The following ANKRD61 variants were observed in gnomAD, a reference collection of about 807,000 sequenced individuals.
The protein encoded by ANKRD61 is ankyrin repeat domain 61, also known as ankyrin repeat domain-containing protein 61.
In ANKRD61, 7 loss-of-function variants were observed where a neutral mutation model predicts 8.4. That is an observed-to-expected ratio of 0.84 (90% CI 0.48 to 1.57). The LOEUF (loss-of-function observed/expected upper bound fraction) is 1.57, where lower values mean the gene tolerates loss of function less well. Ranked by LOEUF, ANKRD61 falls within the 40% of genes most tolerant of loss-of-function variation. The pLI is 0.00. For missense variants in ANKRD61, 516 were observed against 523.4 expected (o/e 0.99, Z 0.14); for synonymous variants, 198 against 208.0 (o/e 0.95, Z 0.41).
In ANKRD61 at chr7:6,033,679, C is replaced by T. The variant is rs964034167; in HGVS notation, c.314+743C>T. 6.6e-5 allele frequency among the ~76,000 whole-genome samples: 10 copies of T among 152,118 alleles called. No individual in the cohort carries two copies. In the South Asian group the frequency reaches 8.3e-4, roughly 13 times the overall value. ...CATTCTCCTGGGTTCACGCCATTCT[C>T]CTGCCTCAGCCTCCCAAGTAGCTGG... is the stretch of plus-strand genomic sequence containing the variant. On this transcript the variant is annotated intron_variant, in intron 2 of 2. Transcript: ENST00000409061. This position sits in a 1 kb window ranked among gnomAD's most constrained non-coding sequence, Gnocchi z 4.4.
rs761683113 is a variant in ANKRD61, at chr7:6,035,896, C to T, written c.767C>T (p.Ala256Val). 7.4e-5 allele frequency: 115 copies of T among 1,546,310 alleles called. No individual in the cohort carries two copies. The highest frequency in any genetic ancestry group is 5.4e-4 in the South Asian group (45 of 83,356). ...AGCAAAGCAGGCCGACTCCTCGGGGCGGGGGTCAGCTGCATCCGTCTGCTA... is the reference window on the plus strand; with the variant it reads ...AGCAAAGCAGGCCGACTCCTCGGGGTGGGGGTCAGCTGCATCCGTCTGCTA... ...ASSKAGRLLG[A>V]GVSCIRLLLT... Residue 256 changes from alanine to valine, a missense_variant, in exon 3 of 3, where the codon GCG (alanine) becomes GTG (valine). Transcript: ENST00000409061. This position sits in a 1 kb window ranked among gnomAD's most constrained non-coding sequence, Gnocchi z 5.5.
Position 6,033,988 on chromosome 7 carries a change from A to T in ANKRD61, c.314+1052A>T, listed in dbSNP as rs1787990621. On this transcript the variant is annotated intron_variant, in intron 2 of 2. Coordinates refer to ENST00000409061, the MANE Select transcript of ANKRD61 (RefSeq NM_001271700.2). This position sits in a 1 kb window ranked among gnomAD's most constrained non-coding sequence, Gnocchi z 4.4. The stretch of plus-strand genomic sequence containing the variant: ...ACCAAATCAATGCCTGACACTTAGC[A>T]CGTGCTCAGTAATACTATCCGAGTG... Among the ~76,000 whole-genome samples, 1 of 151,838 alleles carries T rather than the reference A, an allele frequency of 6.6e-6. No homozygotes were observed. Among genetic ancestry groups the T allele is most frequent in the African/African-American group, 2.4e-5 (1 of 41,306 alleles).
Position 6,036,059 on chromosome 7 carries a change from C to T in ANKRD61, c.930C>T (p.Asn310=), listed in dbSNP as rs768016412. The part of the protein sequence containing the change: ...FEANVNILTR[N]GESPIYMYLQ... ...CAAATGTTAACATTTTAACAAGAAA[C>T]GGGGAATCTCCAATTTATATGTACC... The change falls in exon 3 of 3, where the codon AAC becomes AAT. Residue 310 remains asparagine (N), a synonymous_variant. Coordinates refer to ENST00000409061, the MANE Select transcript of ANKRD61 (RefSeq NM_001271700.2). The surrounding 1 kb of genome is among the most constrained non-coding windows in gnomAD (Gnocchi z 4.6). 123 of 1,550,812 alleles carry T rather than the reference C, an allele frequency of 7.9e-5. No homozygotes were observed. The highest frequency in any genetic ancestry group is 3.3e-4 in the Middle Eastern group (2 of 6,014).
intron 1 of ANKRD61, 124 bp downstream of exon 1, chr7:6,031,715 C>A: frequency 1.1e-6 from 1 of 900,628 alleles, no homozygotes; most frequent in Non-Finnish European, 1.7e-6. Context: ...GACTCCAGCT[C>A]ACTCCACACA....
At position 6,031,411 on chromosome 7, in the gene ANKRD61, G is replaced by A. The variant is rs1787907915; in HGVS notation, c.36G>A (p.Leu12=). ...TAACCAGGAAAGGAAGCAGAGACCT[G>A]GTGGTTGACAGTGCCAAGTCCCTGG... The part of the protein sequence containing the change: ...GNITRKGSRD[L]VVDSAKSLED... Residue 12 remains leucine (L), a synonymous_variant, in exon 1 of 3, where the codon CTG becomes CTA. Coordinates refer to ENST00000409061, the MANE Select transcript of ANKRD61 (RefSeq NM_001271700.2). 1.9e-6 allele frequency: 3 copies of A among 1,550,660 alleles called. No individual in the cohort carries two copies. Among genetic ancestry groups the A allele is most frequent in the Non-Finnish European group, 2.6e-6 (3 of 1,147,046 alleles).
Position 6,032,711 on chromosome 7 carries a change from C to T in ANKRD61, c.217-128C>T, listed in dbSNP as rs1363268101. ...TAGTAGAAAGGAAACTTTCAATGCA[C>T]ATACCAGAAAAAGAGTGAGCCAATG... On this transcript the variant is annotated intron_variant, in intron 1 of 2. Coordinates refer to ENST00000409061, the MANE Select transcript of ANKRD61 (RefSeq NM_001271700.2). The surrounding 1 kb of genome is among the most constrained non-coding windows in gnomAD (Gnocchi z 4.3). The T allele has an allele frequency of 1.4e-5, 9 of 656,612 alleles. No homozygotes were observed. The East Asian group carries it at 2.4e-4, about 18-fold the overall frequency. The allele number at this position is 656,612 out of a possible 1,614,324, so 40.7% of individuals were successfully genotyped here. A position where few individuals can be genotyped will look rare whatever the true frequency, so the allele number is the denominator to read the frequency against.
Position 6,033,733 on chromosome 7 carries a change from C to A in ANKRD61, c.314+797C>A, listed in dbSNP as rs894872478. Among the ~76,000 whole-genome samples the A allele has an allele frequency of 2.6e-5, 4 of 151,932 alleles. No homozygotes were observed. Among genetic ancestry groups the A allele is most frequent in the African/African-American group, 9.7e-5 (4 of 41,390 alleles). On this transcript the variant is annotated intron_variant, in intron 2 of 2. Transcript: ENST00000409061. The surrounding 1 kb of genome is among the most constrained non-coding windows in gnomAD (Gnocchi z 4.4). ...TACAGGCGCCTGCCACCACGCCTGGCTAATTTTTTGTATTTTTAGTAGAGA... is the reference window on the plus strand; with the variant it reads ...TACAGGCGCCTGCCACCACGCCTGGATAATTTTTTGTATTTTTAGTAGAGA...
At position 6,036,460 on chromosome 7, in the gene ANKRD61, A is replaced by T; in HGVS notation, c.*74A>T. ...TGCATTTTCTGGCTAGACATGTCCC[A>T]GAAAATGCTTCACCTATCACCTGTG... On this transcript the variant is annotated 3_prime_UTR_variant, in exon 3 of 3. Coordinates refer to ENST00000409061, the MANE Select transcript of ANKRD61 (RefSeq NM_001271700.2). This position sits in a 1 kb window ranked among gnomAD's most constrained non-coding sequence, Gnocchi z 4.6. 1 of 1,108,060 alleles carries T rather than the reference A, an allele frequency of 9.0e-7. No homozygotes were observed. The highest frequency in any genetic ancestry group is 1.2e-6 in the Non-Finnish European group (1 of 813,518). 68.6% of individuals were successfully genotyped at this position (1,108,060 alleles called of 1,614,324 possible).
chr7:6,034,017 G>A (rs1562744947), intron 2 of ANKRD61, among the ~76,000 whole-genome samples: 1 of 151,190 alleles, frequency 6.6e-6, no homozygotes, highest in Non-Finnish European at 1.5e-5. Flanking sequence ...CCGAGTGAAT[G>A]AAAGAATTAA....
rs1788093203 is a variant in ANKRD61 at position 6,036,335 on chromosome 7, G to A, written c.1206G>A (p.Val402=). ...YKQHLKQFLP[V]TIWNSVYCCY... Reference sequence around the variant, plus strand: ...AGCACTTGAAGCAATTCCTCCCAGTGACAATATGGAATTCTGTCTACTGCT... The same window carrying A: ...AGCACTTGAAGCAATTCCTCCCAGTAACAATATGGAATTCTGTCTACTGCT... The change falls in exon 3 of 3, where the codon GTG becomes GTA. Residue 402 remains valine, a synonymous_variant. Transcript: ENST00000409061. This position sits in a 1 kb window ranked among gnomAD's most constrained non-coding sequence, Gnocchi z 4.6. 6.5e-7 allele frequency: 1 copy of A among 1,536,648 alleles called. No individual in the cohort carries two copies. Among genetic ancestry groups the A allele is most frequent in the Non-Finnish European group, 8.8e-7 (1 of 1,142,256 alleles).
Position 6,036,100 on chromosome 7 carries a change from A to G in ANKRD61, c.971A>G (p.Asn324Ser), listed in dbSNP as rs754729368. ...TATATGTACCTTCAGCGCAGTTGCA[A>G]TGTAAGAGATACGGCACTTCTGGCC... Reference protein sequence around the residue: ...PIYMYLQRSCNVRDTALLARL... With the variant: ...PIYMYLQRSCSVRDTALLARL... The change falls in exon 3 of 3, where the codon AAT becomes AGT. Residue 324 changes from asparagine (N) to serine (S), a missense_variant. Coordinates refer to ENST00000409061, the MANE Select transcript of ANKRD61 (RefSeq NM_001271700.2). The surrounding 1 kb of genome is among the most constrained non-coding windows in gnomAD (Gnocchi z 4.6). 8 of 1,550,932 alleles carry G rather than the reference A, an allele frequency of 5.2e-6. No individual in the cohort carries two copies. The South Asian group carries it at 5.9e-5, about 12-fold the overall frequency.
rs1423923949 is a variant in ANKRD61, at chr7:6,032,999, C to T, written c.314+63C>T. 13 of 1,397,438 alleles carry T rather than the reference C, an allele frequency of 9.3e-6. No individual in the cohort carries two copies. The highest frequency in any genetic ancestry group is 1.3e-5 in the Non-Finnish European group (13 of 1,022,440). 86.6% of individuals were successfully genotyped at this position (1,397,438 alleles called of 1,614,324 possible). Reference sequence around the variant, plus strand: ...CTTTTTTGTTTTGAGGCAGGGGTCTCGCTCTGTTGCCCAGGCTGGAGTGCA... The same window carrying T: ...CTTTTTTGTTTTGAGGCAGGGGTCTTGCTCTGTTGCCCAGGCTGGAGTGCA... On this transcript the variant is annotated intron_variant, in intron 2 of 2. Coordinates refer to ENST00000409061, the MANE Select transcript of ANKRD61 (RefSeq NM_001271700.2). The surrounding 1 kb of genome is among the most constrained non-coding windows in gnomAD (Gnocchi z 4.3).
Position 6,036,258 on chromosome 7 carries a change from C to A in ANKRD61, c.1129C>A (p.Gln377Lys). The A allele has an allele frequency of 6.5e-7, 1 of 1,550,186 alleles. No homozygotes were observed. The highest frequency in any genetic ancestry group is 2.4e-5 in the East Asian group (1 of 40,914). The stretch of plus-strand genomic sequence containing the variant: ...GCAATCGCAAAAACCTTTATCCCTA[C>A]AGGGTATCTGCAAAAGAAACATCAG... ...IKQSQKPLSL[Q>K]GICKRNIRNI... Residue 377 changes from glutamine to lysine, a missense_variant, in exon 3 of 3, where the codon CAG becomes AAG. Coordinates refer to ENST00000409061, the MANE Select transcript of ANKRD61 (RefSeq NM_001271700.2). The surrounding 1 kb of genome is among the most constrained non-coding windows in gnomAD (Gnocchi z 4.6).
In ANKRD61 at chr7:6,032,727, T is replaced by C. The variant is rs557559430; in HGVS notation, c.217-112T>C. 2.6e-4 allele frequency: 204 copies of C among 773,334 alleles called. 1 individual carries two copies. The highest frequency in any genetic ancestry group is 8.2e-6 in the Non-Finnish European group (4 of 490,538). The allele number at this position is 773,334 out of a possible 1,614,324, so 47.9% of individuals were successfully genotyped here. ...TTCAATGCACATACCAGAAAAAGAG[T>C]GAGCCAATGAGACACTAAATAAATG... is the stretch of plus-strand genomic sequence containing the variant. On this transcript the variant is annotated intron_variant, in intron 1 of 2. Transcript: ENST00000409061. This position sits in a 1 kb window ranked among gnomAD's most constrained non-coding sequence, Gnocchi z 4.3.
In ANKRD61 at chr7:6,031,609, C is replaced by CTGGAAAAA. The variant is rs1562743386; in HGVS notation, c.216+18_216+19insTGGAAAAA. On this transcript the variant is annotated intron_variant, in intron 1 of 2. Coordinates refer to ENST00000409061, the MANE Select transcript of ANKRD61 (RefSeq NM_001271700.2). ...TGACCCAGGTACCCTCTTTTCTGCT[C>CTGGAAAAA]AGTCACTTCTGGAAAAAAGTCAGGC... 1 of 1,549,678 alleles carries CTGGAAAAA rather than the reference C, an allele frequency of 6.5e-7. No individual in the cohort carries two copies. Among genetic ancestry groups the CTGGAAAAA allele is most frequent in the South Asian group, 1.2e-5 (1 of 84,000 alleles).
intron 2 of ANKRD61, among the ~76,000 whole-genome samples, chr7:6,034,099 T>C (rs1787997782): frequency 6.6e-6 from 1 of 151,274 alleles, no homozygotes; most frequent in African/African-American, 2.4e-5. Context: ...GGGTGGATCA[T>C]GAGGTCAGGA....
chr7:6,031,680 C>A, intron 1 of ANKRD61, 89 bp downstream of exon 1: 2 of 1,322,576 alleles, frequency 1.5e-6, no homozygotes, highest in South Asian at 1.3e-5. Context: ...CCACTAAGCT[C>A]ACGGCCCTTA....
chr7:6,034,530 C>A (rs1238101012), intron 2 of ANKRD61, among the ~76,000 whole-genome samples: 2 of 152,076 alleles, frequency 1.3e-5, no homozygotes, highest in African/African-American at 4.8e-5. Flanking sequence ...GGCTTCTGCA[C>A]CTCTCTAGAA....
Position 6,035,865 on chromosome 7 carries a change from G to A in ANKRD61, c.736G>A (p.Ala246Thr). The A allele has an allele frequency of 1.9e-6, 3 of 1,547,728 alleles. No homozygotes were observed. The highest frequency in any genetic ancestry group is 2.6e-6 in the Non-Finnish European group (3 of 1,145,010). The change falls in exon 3 of 3, where the codon GCA becomes ACA. Residue 246 changes from alanine (A) to threonine (T), a missense_variant. Transcript: ENST00000409061. This position sits in a 1 kb window ranked among gnomAD's most constrained non-coding sequence, Gnocchi z 5.5. The stretch of plus-strand genomic sequence containing the variant: ...GCCCCTGAAGCTTGCAGTGTGCACT[G>A]CATCAAGCAAAGCAGGCCGACTCCT... ...NTPLKLAVCT[A>T]SSKAGRLLGA...
Sources: gnomAD v4.1 joint callset for allele counts (sites outside exome capture counted in the v4.1 genomes callset) on GRCh38, gnomAD v4.1.1 for gene constraint, Gnocchi (gnomAD v3.1) non-coding constraint, MANE v1.5 for transcripts, NCBI Gene and HGNC (gene_info 2026-07-23, HGNC 2026-07-21) for gene names.